The following CCDC186 variants were observed in gnomAD, a reference collection of about 807,000 sequenced individuals.
CCDC186 encodes coiled-coil domain containing 186, also known as coiled-coil domain-containing protein 186.
A neutral mutation model predicts 113.7 loss-of-function variants in CCDC186; 49 were observed. The observed-to-expected ratio is 0.43, with a 90% CI of 0.34 to 0.55. The LOEUF (loss-of-function observed/expected upper bound fraction) is 0.55, where lower values mean the gene tolerates loss of function less well. Ranked by LOEUF, CCDC186 falls within the 20% of genes least tolerant of loss-of-function variation. The pLI, the probability that CCDC186 is intolerant of heterozygous loss-of-function variation, is 0.02. For synonymous variants in CCDC186, 355 were observed against 345.8 expected, an observed-to-expected ratio of 1.03 and a Z score of -0.30; for missense variants, 890 against 1,011.1, an observed-to-expected ratio of 0.88 and a Z score of 1.62.
chr10:114,163,474 A>G (rs1476499274), intron 1 of CCDC186, 145 bp from the exon 2 acceptor site: 1 of 699,946 alleles, frequency 1.4e-6, no homozygotes, highest in Non-Finnish European at 2.2e-6. Context: ...AGAAAAAAGA[A>G]AAAGGACTAG....
In CCDC186 at chr10:114,151,104, T is replaced by C; in HGVS notation, c.876A>G (p.Gln292=). Reference sequence around the variant, plus strand: ...ATGTGAGAAATACCTGTTCCATCCGTTGGGCCATCTCTTTGTGTAACTGCT... The same window carrying C: ...ATGTGAGAAATACCTGTTCCATCCGCTGGGCCATCTCTTTGTGTAACTGCT... The part of the protein sequence containing the change: ...AVQQLHKEMA[Q]RMEQANKKCE... Residue 292 remains glutamine (Q), a synonymous_variant, in exon 4 of 16, where the codon CAA becomes CAG. Transcript: ENST00000369287. The C allele has an allele frequency of 1.9e-6, 3 of 1,613,114 alleles. No individual in the cohort carries two copies. The highest frequency in any genetic ancestry group is 1.7e-6 in the Non-Finnish European group (2 of 1,179,714).
At chr10:114,150,418 C>G (rs1442067678) in intron 4 of CCDC186, among the ~76,000 whole-genome samples, 2 of 152,034 alleles carry the variant, frequency 1.3e-5, no homozygotes, top group Non-Finnish European at 2.9e-5. Flanking sequence ...TCATTCCAAT[C>G]AAATGGGGGA....
chr10:114,157,280 C>T (rs2032038409), intron 3 of CCDC186, among the ~76,000 whole-genome samples: 1 of 150,660 alleles, frequency 6.6e-6, no homozygotes, highest in African/African-American at 2.4e-5. Context: ...ATCTCCCCGG[C>T]TCCAGTGATC....
chr10:114,166,098 G>A (rs1218185373), intron 1 of CCDC186, among the ~76,000 whole-genome samples: 1 of 152,146 alleles, frequency 6.6e-6, no homozygotes, highest in Non-Finnish European at 1.5e-5. Flanking sequence ...AAGTACAGAG[G>A]TTAGGAGTGT....
chr10:114,144,164 A>G (rs941589579), intron 6 of CCDC186, among the ~76,000 whole-genome samples: 1 of 152,090 alleles, frequency 6.6e-6, no homozygotes, highest in African/African-American at 2.4e-5. Flanking sequence ...CCAATTTCTC[A>G]GTGTTATTTA....
At chr10:114,164,539 T>TA (rs374296785) in intron 1 of CCDC186, among the ~76,000 whole-genome samples, 2 of 151,982 alleles carry the variant, frequency 1.3e-5, no homozygotes, top group East Asian at 1.9e-4. Flanking sequence ...ACAATCTTGA[T>TA]AAAAAAAATT....
At chr10:114,172,515 AAAGCC>A (rs2032524024) in intron 1 of CCDC186, among the ~76,000 whole-genome samples, 1 of 152,226 alleles carries the variant, frequency 6.6e-6, no homozygotes, top group Non-Finnish European at 1.5e-5. Flanking sequence ...ATAGGACTCA[AAAGCC>A]AATGACACAC....
intron 13 of CCDC186, among the ~76,000 whole-genome samples, chr10:114,129,251 G>T (rs1448090387): frequency 6.6e-6 from 1 of 151,968 alleles, no homozygotes; most frequent in Non-Finnish European, 1.5e-5. Context: ...TGTGATTGAG[G>T]CTGCAGGGAG....
intron 2 of CCDC186, among the ~76,000 whole-genome samples, chr10:114,160,620 T>C (rs1227408693): frequency 0.016 from 11 of 674 alleles, no homozygotes; most frequent in African/African-American, 0.043. Context: ...TATCAAATCA[T>C]CACATTGTAC....
intron 1 of CCDC186, among the ~76,000 whole-genome samples, chr10:114,172,046 G>A (rs2032508070): frequency 6.6e-6 from 1 of 152,052 alleles, no homozygotes. Context: ...TTGCAATACT[G>A]TAAACTCAGT....
Position 114,157,630 on chromosome 10 carries a change from G to A in CCDC186, c.683C>T (p.Ser228Leu), listed in dbSNP as rs200269817. ...TTCTTCTCTTAAATTGTCTTTTTCTGAACAAATGTCTACGAAGAGCTCCTG... is the reference window on the plus strand; with the variant it reads ...TTCTTCTCTTAAATTGTCTTTTTCTAAACAAATGTCTACGAAGAGCTCCTG... Reference protein sequence around the residue: ...KHQELFVDICSEKDNLREELK... With the variant: ...KHQELFVDICLEKDNLREELK... The change falls in exon 3 of 16, where the codon TCA becomes TTA. Residue 228 changes from serine (S) to leucine (L), a missense_variant. Coordinates refer to ENST00000369287, the MANE Select transcript of CCDC186 (RefSeq NM_018017.4). 2.5e-6 allele frequency: 4 copies of A among 1,608,594 alleles called. No homozygotes were observed. Among genetic ancestry groups the A allele is most frequent in the Non-Finnish European group, 3.4e-6 (4 of 1,177,662 alleles).
At chr10:114,133,957 A>G (rs552326083) in intron 10 of CCDC186, among the ~76,000 whole-genome samples, 107 of 152,348 alleles carry the variant, frequency 7.0e-4, no homozygotes, top group Non-Finnish European at 1.2e-3. Context: ...AAGAAAGTGG[A>G]GAAAGGTAAG....
At chr10:114,133,059 G>A (rs774813438) in intron 10 of CCDC186, among the ~76,000 whole-genome samples, 2 of 152,184 alleles carry the variant, frequency 1.3e-5, no homozygotes, top group African/African-American at 2.4e-5. Flanking sequence ...TCAATGAAGA[G>A]TTTTGAAATT....
chr10:114,149,414 A>C (rs1479979781), intron 4 of CCDC186, among the ~76,000 whole-genome samples: 1 of 152,142 alleles, frequency 6.6e-6, no homozygotes, highest in African/African-American at 2.4e-5. Context: ...GGTTACCTTT[A>C]GGAAGGGGGT....
rs768030833 is a variant in CCDC186, at chr10:114,132,042, C to A, written c.1798G>T (p.Ala600Ser). The stretch of plus-strand genomic sequence containing the variant: ...GAATTGGATTCAGACTGAAGCTGTG[C>A]ATTCTTACTAGTGAGCCTTTCTGTA... ...LFTERLTSKN[A>S]QLQSESNSLQ... The change falls in exon 11 of 16, where the codon GCA becomes TCA. Residue 600 changes from alanine to serine, a missense_variant. Ala to Ser is a moderately conservative substitution (Grantham distance 99). Transcript: ENST00000369287. 3 of 1,613,386 alleles carry A rather than the reference C, an allele frequency of 1.9e-6. No homozygotes were observed. The East Asian group carries it at 6.7e-5, about 36-fold the overall frequency.
intron 7 of CCDC186, 38 bp downstream of exon 7, chr10:114,137,147 TA>T: frequency 6.8e-7 from 1 of 1,474,812 alleles, no homozygotes; most frequent in Non-Finnish European, 9.4e-7. Flanking sequence ...TGATATTTGC[TA>T]AAATTTGATA....
rs1259464697 is a variant in CCDC186 at position 114,167,987 on chromosome 10, G to A, written c.-61-4658C>T. Among the ~76,000 whole-genome samples the A allele has an allele frequency of 2.0e-5, 3 of 151,576 alleles. No individual in the cohort carries two copies. The East Asian group carries it at 5.8e-4, about 29-fold the overall frequency. On this transcript the variant is annotated intron_variant, in intron 1 of 15. Coordinates refer to ENST00000369287, the MANE Select transcript of CCDC186 (RefSeq NM_018017.4). ...AGCAAGAGTGAGACTCGTTCTCTAAGAAAAAGAAATGCTTGTACAAAGCAA... is the reference window on the plus strand; with the variant it reads ...AGCAAGAGTGAGACTCGTTCTCTAAAAAAAAGAAATGCTTGTACAAAGCAA...
At position 114,127,547 on chromosome 10, in the gene CCDC186, T is replaced by C. The variant is rs752670951; in HGVS notation, c.2307A>G (p.Gln769=). 6.2e-7 allele frequency: 1 copy of C among 1,614,000 alleles called. No individual in the cohort carries two copies. The highest frequency in any genetic ancestry group is 1.3e-5 in the African/African-American group (1 of 74,940). ...TTTCATTTTTCCGGGCATGTGCTTTTTGCAGCCTAACTATTCTCTCAATCA... is the reference window on the plus strand; with the variant it reads ...TTTCATTTTTCCGGGCATGTGCTTTCTGCAGCCTAACTATTCTCTCAATCA... ...AMLIERIVRL[Q]KAHARKNEKI... Residue 769 remains glutamine, a synonymous_variant, in exon 14 of 16, where the codon CAA becomes CAG. Coordinates refer to ENST00000369287, the MANE Select transcript of CCDC186 (RefSeq NM_018017.4).
intron 3 of CCDC186, among the ~76,000 whole-genome samples, chr10:114,154,259 A>C (rs1389339167): frequency 6.6e-6 from 1 of 151,636 alleles, no homozygotes; most frequent in Admixed American, 6.6e-5. Context: ...GACAACAAAC[A>C]AAACCAAAAA....
Sources: allele counts gnomAD v4.1 joint callset (sites outside exome capture counted in the v4.1 genomes callset), GRCh38; gene constraint gnomAD v4.1.1; transcripts MANE v1.5; gene names NCBI Gene and HGNC (gene_info 2026-07-23, HGNC 2026-07-21).